ANKAR: variants seen among roughly 807,000 people sequenced by gnomAD.
ANKAR encodes the protein ankyrin and armadillo repeat-containing protein.
Under a neutral mutation model 146.2 loss-of-function variants are expected in ANKAR, and 136 were observed. The observed-to-expected ratio is 0.93, with a 90% CI of 0.81 to 1.07. The LOEUF is 1.07. ANKAR is among the 50% of genes least tolerant of loss of function. The pLI, the probability that ANKAR is intolerant of heterozygous loss-of-function variation, is 0.00. For synonymous variants in ANKAR, 500 were observed against 575.8 expected (o/e 0.87, Z 1.88); for missense variants, 1,567 against 1,679.9 (o/e 0.93, Z 1.18).
At chr2:189,702,260 C>T (rs2038181373) in intron 7 of ANKAR, among the ~76,000 whole-genome samples, 1 of 152,098 alleles carries the variant, frequency 6.6e-6, no homozygotes, top group African/African-American at 2.4e-5. Flanking sequence ...TTTCTCCCTC[C>T]CCCTGCTGGA....
intron 6 of ANKAR, among the ~76,000 whole-genome samples, chr2:189,695,477 G>T (rs931040666): frequency 3.3e-5 from 5 of 152,160 alleles, no homozygotes; most frequent in African/African-American, 1.2e-4. Context: ...TATCATTCCT[G>T]TTATACAAAT....
intron 21 of ANKAR, among the ~76,000 whole-genome samples, chr2:189,744,026 G>A (rs2043716345): frequency 6.6e-6 from 1 of 152,048 alleles, no homozygotes; most frequent in African/African-American, 2.4e-5. Context: ...CTCTACTATG[G>A]GTATATTTTC....
chr2:189,702,114 A>G (rs2038159206), intron 7 of ANKAR, among the ~76,000 whole-genome samples: 1 of 152,144 alleles, frequency 6.6e-6, no homozygotes, highest in Non-Finnish European at 1.5e-5. Flanking sequence ...TTGCCTAGGT[A>G]GGTTAGGTTC....
At chr2:189,716,513 C>T (rs1041357672) in intron 10 of ANKAR, among the ~76,000 whole-genome samples, 70 of 152,128 alleles carry the variant, frequency 4.6e-4, no homozygotes, top group Non-Finnish European at 8.5e-4. Flanking sequence ...GGCCATACTG[C>T]CCAAGGTAAT....
chr2:189,695,203 G>A, intron 6 of ANKAR, 42 bp downstream of exon 6: 4 of 1,465,202 alleles, frequency 2.7e-6, no homozygotes, highest in South Asian at 1.5e-5. Flanking sequence ...ATGAAGTTAT[G>A]TATTATTGAT....
At chr2:189,740,563 T>G (rs2043231141) in intron 19 of ANKAR, among the ~76,000 whole-genome samples, 1 of 152,244 alleles carries the variant, frequency 6.6e-6, no homozygotes, top group Admixed American at 6.5e-5. Flanking sequence ...ACTTTATTAT[T>G]TTAAATCTGA....
intron 7 of ANKAR, among the ~76,000 whole-genome samples, chr2:189,699,565 A>G (rs527503510): frequency 6.6e-6 from 1 of 152,300 alleles, no homozygotes; most frequent in African/African-American, 2.4e-5. Context: ...GCATAAGCAT[A>G]TATATGTCAT....
chr2:189,762,444 C>A (rs2047225539), downstream of ANKAR: 2 of 340,732 alleles, frequency 5.9e-6, no homozygotes, highest in South Asian at 1.2e-4. Flanking sequence ...AAGGCAGTTG[C>A]GGGCAGTGCA....
chr2:189,732,923 A>G (rs2042550772), intron 16 of ANKAR, among the ~76,000 whole-genome samples, 184 bp from the exon 17 acceptor site: 2 of 152,138 alleles, frequency 1.3e-5, no homozygotes, highest in South Asian at 4.1e-4. Flanking sequence ...CTCAGCTATT[A>G]AAAATTATGA....
At chr2:189,740,152 T>C (rs547630028) in intron 19 of ANKAR, among the ~76,000 whole-genome samples, 1 of 152,332 alleles carries the variant, frequency 6.6e-6, no homozygotes, top group African/African-American at 2.4e-5. Flanking sequence ...AATTCAGTTT[T>C]CCTATTTATA....
intron 18 of ANKAR, chr2:189,752,665 C>T (rs762966073): frequency 3.3e-5 from 53 of 1,613,668 alleles, no homozygotes; most frequent in Middle Eastern, 1.6e-4. Flanking sequence ...TGGTTCATAG[C>T]GGATGCCTTC....
intron 7 of ANKAR, among the ~76,000 whole-genome samples, chr2:189,700,205 A>G (rs2037863528): frequency 6.6e-6 from 1 of 152,116 alleles, no homozygotes; most frequent in Non-Finnish European, 1.5e-5. Context: ...TTTATTCCTC[A>G]TTCACTTTTG....
chr2:189,721,339 G>C (rs1043524546), intron 12 of ANKAR, among the ~76,000 whole-genome samples: 1 of 151,964 alleles, frequency 6.6e-6, no homozygotes, highest in East Asian at 1.9e-4. Context: ...ACTCTCAAAG[G>C]CATATTCTTT....
At chr2:189,751,291 A>G (rs1276799990), downstream of ANKAR, among the ~76,000 whole-genome samples, 1 of 152,182 alleles carries the variant, frequency 6.6e-6, no homozygotes, top group Non-Finnish European at 1.5e-5. Context: ...AAGGGGGCAT[A>G]ACTGAATCAG....
At chr2:189,685,282 A>G (rs2035397129) in intron 2 of ANKAR, among the ~76,000 whole-genome samples, 1 of 151,548 alleles carries the variant, frequency 6.6e-6, no homozygotes, top group Non-Finnish European at 1.5e-5. Flanking sequence ...TTCAGGGAAC[A>G]TTATTTTTCA....
At chr2:189,761,477 TCCA>T (rs776722119), downstream of ANKAR, 9 of 1,612,714 alleles carry the variant, frequency 5.6e-6, no homozygotes, top group Non-Finnish European at 5.1e-6. Flanking sequence ...TCCAGTTTCA[TCCA>T]CCACAGCAGC....
At chr2:189,681,557 C>T (rs753555727) in intron 2 of ANKAR, among the ~76,000 whole-genome samples, 3 of 152,218 alleles carry the variant, frequency 2.0e-5, no homozygotes, top group Admixed American at 6.5e-5. Context: ...CTAATGCTGT[C>T]TGCTTTCTAC....
intron 5 of ANKAR, 41 bp from the exon 6 acceptor site, chr2:189,694,940 C>T (rs750360745): frequency 3.1e-6 from 4 of 1,298,042 alleles, no homozygotes; most frequent in Non-Finnish European, 4.0e-6. Context: ...CAAATCACTT[C>T]AAAGTTAGAG....
intron 12 of ANKAR, among the ~76,000 whole-genome samples, chr2:189,721,537 G>A (rs889207635): frequency 7.2e-5 from 11 of 152,172 alleles, no homozygotes; most frequent in East Asian, 5.8e-4. Flanking sequence ...GATATTTGAC[G>A]TCAAAATTCA....
Sources: gnomAD v4.1 joint callset for allele counts (sites outside exome capture counted in the v4.1 genomes callset) on GRCh38, gnomAD v4.1.1 for gene constraint, MANE v1.5 for transcripts, NCBI Gene and HGNC (gene_info 2026-07-23, HGNC 2026-07-21) for gene names.